The following TRPC4 variants were observed in gnomAD, a reference collection of about 807,000 sequenced individuals.
TRPC4 encodes transient receptor potential cation channel subfamily C member 4.
TRPC4 carries 49 observed loss-of-function variants against 99.4 expected under a neutral mutation model. The observed-to-expected ratio is 0.49, with a 90% CI of 0.39 to 0.63. The LOEUF is 0.63. Among genes scored for constraint, TRPC4 ranks in the 20% least tolerant of loss-of-function variants. The pLI is 0.00. For synonymous variants in TRPC4, 454 were observed against 425.9 expected (o/e 1.07, Z -0.81); for missense variants, 898 against 1,152.9 (o/e 0.78, Z 3.20).
intron 2 of TRPC4, among the ~76,000 whole-genome samples, chr13:37,764,728 G>A (rs923106982): frequency 6.8e-6 from 1 of 147,278 alleles, no homozygotes; most frequent in Admixed American, 6.8e-5. Flanking sequence ...AATATCTTTT[G>A]TCTATTCCAT....
At chr13:37,699,126 T>G (rs1440944890) in intron 3 of TRPC4, among the ~76,000 whole-genome samples, 1 of 152,158 alleles carries the variant, frequency 6.6e-6, no homozygotes, top group Non-Finnish European at 1.5e-5. Context: ...TTATTGTGTC[T>G]TTTTCCCAAT....
At chr13:37,854,700 A>G (rs937964794) in intron 1 of TRPC4, among the ~76,000 whole-genome samples, 3 of 152,094 alleles carry the variant, frequency 2.0e-5, no homozygotes, top group Non-Finnish European at 4.4e-5. Flanking sequence ...CCAGATTATA[A>G]GATAATATTT....
intron 1 of TRPC4, among the ~76,000 whole-genome samples, chr13:37,830,367 A>T (rs904804118): frequency 6.6e-6 from 1 of 152,110 alleles, no homozygotes; most frequent in African/African-American, 2.4e-5. Context: ...GAATGAATAT[A>T]AACATGTTGT....
chr13:37,744,891 T>G (rs79617989), intron 3 of TRPC4, among the ~76,000 whole-genome samples: 1,951 of 152,172 alleles, frequency 0.013, 62 homozygotes, highest in East Asian at 0.12. Flanking sequence ...GGGTAAGAAG[T>G]ATGAGATTCT....
chr13:37,646,051 G>A (rs185516483), intron 8 of TRPC4, among the ~76,000 whole-genome samples: 16 of 152,282 alleles, frequency 1.1e-4, no homozygotes, highest in African/African-American at 3.4e-4. Context: ...TTGACAAATC[G>A]CCACTATAAA....
At chr13:37,733,674 A>G (rs1255994801) in intron 3 of TRPC4, among the ~76,000 whole-genome samples, 1 of 152,092 alleles carries the variant, frequency 6.6e-6, no homozygotes, top group Non-Finnish European at 1.5e-5. Flanking sequence ...TTTATGACCT[A>G]GTCTTTGTGT....
chr13:37,685,551 C>T (rs1010505157), intron 4 of TRPC4, among the ~76,000 whole-genome samples: 13 of 152,170 alleles, frequency 8.5e-5, no homozygotes, highest in Middle Eastern at 3.4e-3. Context: ...ATTATTACTA[C>T]GATTACTACT....
At chr13:37,798,933 CTTTTT>C (rs5802904) in intron 1 of TRPC4, among the ~76,000 whole-genome samples, 2 of 126,840 alleles carry the variant, frequency 1.6e-5, no homozygotes, top group African/African-American at 2.9e-5. Flanking sequence ...GGGAGGTAAT[CTTTTT>C]TTTTTTTTTT....
chr13:37,737,640 A>T lies in TRPC4; in HGVS notation c.897+8297T>A, dbSNP rs1161912313. On this transcript the variant is annotated intron_variant, in intron 3 of 10. Coordinates refer to ENST00000379705, the MANE Select transcript of TRPC4 (RefSeq NM_016179.4). ...AGGCACATGCCACCATGCCCAGCTA[A>T]ATTTTCTTTTCTTTGTAGAGACAGA... 2.0e-5 allele frequency among the ~76,000 whole-genome samples: 3 copies of T among 151,856 alleles called. No individual in the cohort carries two copies. In the East Asian group the frequency reaches 5.8e-4, roughly 29 times the overall value.
intron 4 of TRPC4, among the ~76,000 whole-genome samples, chr13:37,684,084 T>C (rs1245612447): frequency 6.6e-6 from 1 of 152,218 alleles, no homozygotes; most frequent in Non-Finnish European, 1.5e-5. Flanking sequence ...GATTATGAAA[T>C]TTGACTTCCA....
At chr13:37,785,336 C>T (rs867122911) in intron 1 of TRPC4, among the ~76,000 whole-genome samples, 15 of 151,988 alleles carry the variant, frequency 9.9e-5, no homozygotes, top group Non-Finnish European at 1.8e-4. Context: ...TGTGTGGGAT[C>T]AATGCCATGA....
chr13:37,663,628 C>A lies in TRPC4; in HGVS notation c.1476G>T (p.Leu492=). The A allele has an allele frequency of 6.2e-7, 1 of 1,614,150 alleles. No homozygotes were observed. The highest frequency in any genetic ancestry group is 1.1e-5 in the South Asian group (1 of 91,078). ...GAGAATTTGCAGTAAACAGTGAGAT[C>A]AGACGCAGAGAACTGAAGATGTTTG... The part of the protein sequence containing the change: ...AIANIFSSLR[L]ISLFTANSHL... Residue 492 remains leucine, a synonymous_variant, in exon 6 of 11, where the codon CTG becomes CTT. Coordinates refer to ENST00000379705, the MANE Select transcript of TRPC4 (RefSeq NM_016179.4).
intron 2 of TRPC4, among the ~76,000 whole-genome samples, chr13:37,750,753 C>T (rs1955911339): frequency 6.6e-6 from 1 of 152,008 alleles, no homozygotes; most frequent in Non-Finnish European, 1.5e-5. Flanking sequence ...CACCCATCAA[C>T]CCGTCATCTA....
chr13:37,658,863 C>A (rs1211169407), intron 6 of TRPC4, among the ~76,000 whole-genome samples: 1 of 152,066 alleles, frequency 6.6e-6, no homozygotes, highest in East Asian at 1.9e-4. Flanking sequence ...TGGATCACAG[C>A]CTGACACTGG....
At chr13:37,755,856 T>C (rs1004693088) in intron 2 of TRPC4, among the ~76,000 whole-genome samples, 2 of 152,112 alleles carry the variant, frequency 1.3e-5, no homozygotes, top group Non-Finnish European at 2.9e-5. Flanking sequence ...TAATAGAAAC[T>C]TTATGAAAAA....
At position 37,635,604 on chromosome 13, in the gene TRPC4, T is replaced by C. The variant is rs73184531; in HGVS notation, c.*1299A>G. ...TAAAATGAACTTAGCATTTTTCTAT[T>C]GATTTGAAATAAATGCTAATTTTAT... On this transcript the variant is annotated 3_prime_UTR_variant, in exon 11 of 11. Coordinates refer to ENST00000379705, the MANE Select transcript of TRPC4 (RefSeq NM_016179.4). Among the ~76,000 whole-genome samples the C allele has an allele frequency of 0.12, 17,543 of 152,120 alleles. 1,112 individuals are homozygous for C. The highest frequency in any genetic ancestry group is 0.19 in the Middle Eastern group (56 of 290).
At chr13:37,730,828 C>T (rs1457953742) in intron 3 of TRPC4, among the ~76,000 whole-genome samples, 2 of 151,858 alleles carry the variant, frequency 1.3e-5, no homozygotes, top group Non-Finnish European at 2.9e-5. Context: ...GTTGCCCAGT[C>T]GAAAATTGAT....
At chr13:37,812,684 A>ATG (rs1276658455) in intron 1 of TRPC4, among the ~76,000 whole-genome samples, 12 of 152,084 alleles carry the variant, frequency 7.9e-5, no homozygotes, top group Non-Finnish European at 1.3e-4. Flanking sequence ...GAGAGAGAGA[A>ATG]GGTTAAAAAT....
At chr13:37,694,451 G>C (rs577959007) in intron 3 of TRPC4, among the ~76,000 whole-genome samples, 2 of 152,156 alleles carry the variant, frequency 1.3e-5, no homozygotes, top group East Asian at 3.9e-4. Context: ...CTACAGCATG[G>C]GGCACCTGAG....
Sources: allele counts gnomAD v4.1 joint callset (sites outside exome capture counted in the v4.1 genomes callset), GRCh38; gene constraint gnomAD v4.1.1; transcripts MANE v1.5; gene names NCBI Gene and HGNC (gene_info 2026-07-23, HGNC 2026-07-21).